RGS6: variants seen among roughly 807,000 people sequenced by gnomAD.
The protein encoded by RGS6 is regulator of G protein signaling 6, also known as regulator of G-protein signaling 6.
RGS6 carries 30 observed loss-of-function variants against 78.5 expected under a neutral mutation model. The ratio of observed to expected loss-of-function variants is 0.38; its 90% confidence interval spans 0.29 to 0.52. The LOEUF (loss-of-function observed/expected upper bound fraction) is 0.52, where lower values mean the gene tolerates loss of function less well. Ranked by LOEUF, RGS6 falls within the 20% of genes least tolerant of loss-of-function variation. The pLI is 0.85. For missense variants in RGS6, 495 were observed against 609.7 expected, an observed-to-expected ratio of 0.81 and a Z score of 1.98; for synonymous variants, 206 against 206.0, an observed-to-expected ratio of 1.00 and a Z score of 0.00.
intron 2 of RGS6, among the ~76,000 whole-genome samples, chr14:72,223,816 A>G (rs116298317): frequency 0.022 from 3,389 of 152,342 alleles, 69 homozygotes; most frequent in African/African-American, 0.05. Context: ...CCTGCATCAG[A>G]ATCATCTGAG....
intron 2 of RGS6, among the ~76,000 whole-genome samples, chr14:72,062,359 A>G (rs771891384): frequency 6.6e-4 from 101 of 152,230 alleles, no homozygotes; most frequent in Non-Finnish European, 1.3e-3. Flanking sequence ...CAAGAGCCAC[A>G]GAACCAGGGC....
chr14:72,108,337 C>T (rs945810818), intron 2 of RGS6, among the ~76,000 whole-genome samples: 3 of 151,938 alleles, frequency 2.0e-5, no homozygotes, highest in Non-Finnish European at 4.4e-5. Context: ...TCTCTTTTTG[C>T]AAGAAGCCCA....
At chr14:72,424,434 C>T (rs887849617) in intron 3 of RGS6, among the ~76,000 whole-genome samples, 3 of 152,060 alleles carry the variant, frequency 2.0e-5, no homozygotes, top group Non-Finnish European at 4.4e-5. Flanking sequence ...GGAATTAATG[C>T]GTGTCCGGGC....
At chr14:72,174,723 C>A (rs2097081687) in intron 2 of RGS6, among the ~76,000 whole-genome samples, 2 of 152,122 alleles carry the variant, frequency 1.3e-5, no homozygotes, top group South Asian at 4.1e-4. Flanking sequence ...TTGGAAGGGA[C>A]TTGGTGCAGG....
chr14:71,930,563 A>AT (rs565798493), upstream of RGS6, among the ~76,000 whole-genome samples: 33 of 151,378 alleles, frequency 2.2e-4, no homozygotes, highest in African/African-American at 6.5e-4. Flanking sequence ...GATTTCACAT[A>AT]TTTTTTTTTA....
intron 3 of RGS6, among the ~76,000 whole-genome samples, chr14:72,381,652 C>G (rs544700040): frequency 5.9e-5 from 9 of 151,994 alleles, no homozygotes; most frequent in Non-Finnish European, 1.2e-4. Flanking sequence ...TGTATCACTA[C>G]CCTATCTTTA....
At chr14:72,223,837 T>C (rs1185462502) in intron 2 of RGS6, among the ~76,000 whole-genome samples, 1 of 152,210 alleles carries the variant, frequency 6.6e-6, no homozygotes, top group Admixed American at 6.5e-5. Context: ...AAGCTTATTA[T>C]AAAGGTAAGC....
chr14:72,347,670 G>A (rs1199784123), intron 2 of RGS6, among the ~76,000 whole-genome samples: 1 of 152,150 alleles, frequency 6.6e-6, no homozygotes, highest in African/African-American at 2.4e-5. Flanking sequence ...CTCAACTAAT[G>A]TTAACTAAGA....
At chr14:72,431,414 G>A (rs1253813343) in intron 3 of RGS6, among the ~76,000 whole-genome samples, 1 of 152,128 alleles carries the variant, frequency 6.6e-6, no homozygotes. Flanking sequence ...ATGCAGTGGT[G>A]CGATCTTGGC....
At chr14:72,036,770 A>C (rs957654867) in intron 2 of RGS6, among the ~76,000 whole-genome samples, 1 of 152,048 alleles carries the variant, frequency 6.6e-6, no homozygotes, top group Non-Finnish European at 1.5e-5. Context: ...CCCAGTCTGT[A>C]GTTTGCCTTT....
intron 2 of RGS6, among the ~76,000 whole-genome samples, chr14:72,129,484 G>A (rs1268320438): frequency 6.6e-6 from 1 of 152,204 alleles, no homozygotes; most frequent in African/African-American, 2.4e-5. Context: ...TTCTATGGCT[G>A]CACAACAAAC....
At chr14:72,164,947 G>A (rs1449680252) in intron 2 of RGS6, among the ~76,000 whole-genome samples, 2 of 152,144 alleles carry the variant, frequency 1.3e-5, no homozygotes, top group Non-Finnish European at 2.9e-5. Flanking sequence ...GGGTAAATTT[G>A]CAAACTTCTA....
intron 2 of RGS6, among the ~76,000 whole-genome samples, chr14:72,213,240 G>C (rs1002780434): frequency 6.6e-6 from 1 of 152,036 alleles, no homozygotes; most frequent in Non-Finnish European, 1.5e-5. Context: ...GAAATAGACA[G>C]GTTTGCCTCT....
At chr14:71,944,832 C>T (rs1200684464) in intron 1 of RGS6, among the ~76,000 whole-genome samples, 1 of 152,128 alleles carries the variant, frequency 6.6e-6, no homozygotes, top group Non-Finnish European at 1.5e-5. Context: ...CTAGAGTGTA[C>T]TTACACAACC....
chr14:72,072,299 T>G (rs2094435341), intron 2 of RGS6, among the ~76,000 whole-genome samples: 1 of 151,770 alleles, frequency 6.6e-6, no homozygotes. Context: ...TGTTTGTGTG[T>G]GTGTAGTTTG....
At chr14:71,874,056 A>G in the RGS6 span, among the ~76,000 whole-genome samples, 9 of 152,158 alleles carry the variant, frequency 5.9e-5, no homozygotes, top group Non-Finnish European at 1.0e-4. Flanking sequence ...CTTGTAGTAT[A>G]GTTTGAAGTC....
chr14:72,034,035 G>A (rs1018708253), intron 2 of RGS6, among the ~76,000 whole-genome samples: 1 of 152,078 alleles, frequency 6.6e-6, no homozygotes. Flanking sequence ...CATGATGCTC[G>A]TTAGCCATTT....
chr14:72,356,767 TCTC>T (rs748536888), intron 3 of RGS6, among the ~76,000 whole-genome samples: 5 of 152,164 alleles, frequency 3.3e-5, no homozygotes, highest in Middle Eastern at 3.2e-3. Context: ...GCTCTGCACT[TCTC>T]CTTGCTGCTT....
At chr14:72,262,864 T>C (rs971143779) in intron 2 of RGS6, among the ~76,000 whole-genome samples, 1 of 152,096 alleles carries the variant, frequency 6.6e-6, no homozygotes, top group African/African-American at 2.4e-5. Flanking sequence ...GTCTTTGTCC[T>C]CCCCTTGAGC....
Sources: gnomAD v4.1 joint callset for allele counts (sites outside exome capture counted in the v4.1 genomes callset) on GRCh38, gnomAD v4.1.1 for gene constraint, MANE v1.5 for transcripts, NCBI Gene and HGNC (gene_info 2026-07-23, HGNC 2026-07-21) for gene names.